The following TMEM120B variants were observed in gnomAD, a reference collection of about 807,000 sequenced individuals.
TMEM120B encodes the protein transmembrane protein 120B.
A neutral mutation model predicts 55.5 loss-of-function variants in TMEM120B; 31 were observed. The observed-to-expected ratio is 0.56, with a 90% confidence interval of 0.42 to 0.75. TMEM120B has a LOEUF of 0.75. TMEM120B is among the 30% of genes least tolerant of loss of function. The pLI, the probability that TMEM120B is intolerant of heterozygous loss-of-function variation, is 0.00. For synonymous variants in TMEM120B, 203 were observed against 176.3 expected (o/e 1.15, Z -1.20); for missense variants, 399 against 425.5 (o/e 0.94, Z 0.55).
At position 121,713,539 on chromosome 12, in the gene TMEM120B, C is replaced by T. The variant is rs550229890; in HGVS notation, c.69+575C>T. ...TGCAGGCTGATTTTGGCGTGGAGAG[C>T]ATCTGTCAGTTCGGACAGCTGAGTA... is the stretch of plus-strand genomic sequence containing the variant. On this transcript the variant is annotated intron_variant, in intron 1 of 11. Transcript: ENST00000449592. Among the ~76,000 whole-genome samples, 98 of 152,288 alleles carry T rather than the reference C, an allele frequency of 6.4e-4. 4 individuals are homozygous for T. The South Asian group carries it at 0.02, about 31-fold the overall frequency.
At position 121,748,398 on chromosome 12, in the gene TMEM120B, G is replaced by T; in HGVS notation, c.261G>T (p.Gln87His). Residue 87 changes from glutamine (Q) to histidine (H), a missense_variant, in exon 3 of 12, where the codon CAG becomes CAT. Around this residue, in one of 3 missense-constraint regions of TMEM120B, gnomAD observed 133 missense variants for 104.1 expected, o/e 1.28. Coordinates refer to ENST00000449592, the MANE Select transcript of TMEM120B (RefSeq NM_001080825.2). Reference sequence around the variant, plus strand: ...TGGCAGCGAACATCAAGGAGCGGCAGGACGTCTTCTTCGACATGGAGGCCT... The same window carrying T: ...TGGCAGCGAACATCAAGGAGCGGCATGACGTCTTCTTCGACATGGAGGCCT... ...QQMAANIKER[Q>H]DVFFDMEAYL... The T allele has an allele frequency of 6.2e-7, 1 of 1,610,914 alleles. No individual in the cohort carries two copies. The highest frequency in any genetic ancestry group is 1.1e-5 in the South Asian group (1 of 91,024).
intron 5 of TMEM120B, among the ~76,000 whole-genome samples, chr12:121,760,204 G>A (rs1873625890): frequency 6.6e-6 from 1 of 151,780 alleles, no homozygotes; most frequent in South Asian, 2.1e-4. Flanking sequence ...TCGGGAGGCT[G>A]AGGCAGGAGA....
At chr12:121,713,000 C>A in intron 1 of TMEM120B, 36 bp downstream of exon 1, 1 of 1,498,020 alleles carries the variant, frequency 6.7e-7, no homozygotes. Context: ...AACTCTGCTG[C>A]CCGCGGTGCA....
chr12:121,745,851 T>C (rs958299175), intron 2 of TMEM120B, among the ~76,000 whole-genome samples: 3 of 151,854 alleles, frequency 2.0e-5, no homozygotes, highest in Non-Finnish European at 4.4e-5. Flanking sequence ...GCTTGGTTGT[T>C]GTTTTTTGTT....
In TMEM120B at chr12:121,772,109, T is replaced by TTCTCTC. The variant is rs199806160; in HGVS notation, c.679+570_679+575dup. The stretch of plus-strand genomic sequence containing the variant: ...TTTCTCTCTCTCTCTCTTTCTCTCT[T>TTCTCTC]TCTCTCTCTCTCTCTTTCTCTCTTT... On this transcript the variant is annotated intron_variant, in intron 8 of 11. Transcript: ENST00000449592. 5.9e-4 allele frequency among the ~76,000 whole-genome samples: 87 copies of TTCTCTC among 147,398 alleles called. 1 individual carries two copies. The highest frequency in any genetic ancestry group is 2.4e-3 in the East Asian group (12 of 4,992).
intron 5 of TMEM120B, among the ~76,000 whole-genome samples, chr12:121,761,391 G>C (rs1873671236): frequency 6.6e-6 from 1 of 152,212 alleles, no homozygotes; most frequent in Non-Finnish European, 1.5e-5. Flanking sequence ...CAGGGAAGGA[G>C]GGGGAGACTC....
chr12:121,756,369 G>T (rs1256482198), intron 5 of TMEM120B, among the ~76,000 whole-genome samples: 1 of 152,196 alleles, frequency 6.6e-6, no homozygotes, highest in Non-Finnish European at 1.5e-5. Context: ...CTGATGGCAT[G>T]CATCTGTAAT....
chr12:121,719,689 C>T (rs903895609), intron 1 of TMEM120B, among the ~76,000 whole-genome samples: 2 of 152,078 alleles, frequency 1.3e-5, no homozygotes, highest in African/African-American at 4.8e-5. Context: ...GCATGTTAGG[C>T]CACACTGCAT....
intron 1 of TMEM120B, among the ~76,000 whole-genome samples, chr12:121,714,845 C>T (rs1208863188): frequency 6.6e-6 from 1 of 152,004 alleles, no homozygotes; most frequent in Non-Finnish European, 1.5e-5. Flanking sequence ...CAGTAGTGAG[C>T]CACCGTGCCT....
rs375094675 is a variant in TMEM120B at position 121,773,482 on chromosome 12, G to C, written c.741G>C (p.Leu247=). Residue 247 remains leucine (L), a synonymous_variant, in exon 9 of 12, where the codon CTG becomes CTC. Coordinates refer to ENST00000449592, the MANE Select transcript of TMEM120B (RefSeq NM_001080825.2). ...QRGCLYRLRA[L]GERNHLDLTV... The stretch of plus-strand genomic sequence containing the variant: ...GCTGCCTCTACCGGCTGCGGGCCCT[G>C]GGGGAGAGGAACCACCTGGATCTCA... 4.7e-5 allele frequency: 76 copies of C among 1,606,004 alleles called. No homozygotes were observed. The highest frequency in any genetic ancestry group is 6.1e-5 in the Non-Finnish European group (72 of 1,175,874).
At position 121,775,824 on chromosome 12, in the gene TMEM120B, C is replaced by T. The variant is rs764898883; in HGVS notation, c.*102C>T. ...GGCCCGTGGCATCGCTGGGAGAGGG[C>T]CCAGGCCCTGGTCCCCCAGTGGACC... On this transcript the variant is annotated 3_prime_UTR_variant, in exon 12 of 12. Transcript: ENST00000449592. This position sits in a 1 kb window ranked among gnomAD's most constrained non-coding sequence, Gnocchi z 4.3. 2.3e-6 allele frequency: 3 copies of T among 1,291,654 alleles called. No individual in the cohort carries two copies. Among genetic ancestry groups the T allele is most frequent in the South Asian group, 1.2e-5 (1 of 81,700 alleles). The allele number at this position is 1,291,654 out of a possible 1,614,324, so 80.0% of individuals were successfully genotyped here.
At chr12:121,772,433 T>C (rs986896115) in intron 8 of TMEM120B, among the ~76,000 whole-genome samples, 3 of 143,172 alleles carry the variant, frequency 2.1e-5, no homozygotes, top group Non-Finnish European at 3.0e-5. Flanking sequence ...CCGTACCGTT[T>C]CTTTCTTTTT....
intron 5 of TMEM120B, among the ~76,000 whole-genome samples, chr12:121,759,579 G>C (rs1873601975): frequency 6.6e-6 from 1 of 151,972 alleles, no homozygotes; most frequent in African/African-American, 2.4e-5. Context: ...TCTGGAGGCT[G>C]AGGCAAGAAA....
chr12:121,747,235 C>T (rs1019636593), intron 2 of TMEM120B, among the ~76,000 whole-genome samples: 2 of 147,830 alleles, frequency 1.4e-5, no homozygotes, highest in Admixed American at 6.8e-5. Context: ...TGGGGAACTG[C>T]GGTTGCGAGA....
intron 1 of TMEM120B, among the ~76,000 whole-genome samples, chr12:121,733,139 C>T (rs1228299072): frequency 6.6e-6 from 1 of 152,144 alleles, no homozygotes; most frequent in Non-Finnish European, 1.5e-5. Flanking sequence ...TAGTCAGACA[C>T]AGGAAGCAAC....
At chr12:121,767,799 G>A (rs538126439) in intron 6 of TMEM120B, among the ~76,000 whole-genome samples, 2 of 152,338 alleles carry the variant, frequency 1.3e-5, no homozygotes, top group South Asian at 4.1e-4. Context: ...GTTTATTGGT[G>A]GCATCTGTCA....
chr12:121,765,655 C>T (rs1419858745), intron 6 of TMEM120B, among the ~76,000 whole-genome samples: 1 of 152,110 alleles, frequency 6.6e-6, no homozygotes, highest in Non-Finnish European at 1.5e-5. Flanking sequence ...TTGCACCAAC[C>T]TAATAGAAGG....
Position 121,775,356 on chromosome 12 carries a change from C to T in TMEM120B, c.906+226C>T, listed in dbSNP as rs1385706381. The T allele has an allele frequency of 1.1e-6, 1 of 922,730 alleles. No homozygotes were observed. Among genetic ancestry groups the T allele is most frequent in the Admixed American group, 6.2e-5 (1 of 16,156 alleles). 57.2% of individuals were successfully genotyped at this position (922,730 alleles called of 1,614,324 possible). A position where few individuals can be genotyped will look rare whatever the true frequency, so the allele number is the denominator to read the frequency against. ...GGGGGGCCTGCTTGGCGGGAGGCTT[C>T]TGGAAGGGCTAGGGGTGGAGCCTCT... On this transcript the variant is annotated intron_variant, in intron 11 of 11. Transcript: ENST00000449592. This position sits in a 1 kb window ranked among gnomAD's most constrained non-coding sequence, Gnocchi z 4.3.
chr12:121,723,099 C>T (rs1038317389), intron 1 of TMEM120B, among the ~76,000 whole-genome samples: 6 of 151,898 alleles, frequency 4.0e-5, no homozygotes, highest in African/African-American at 7.3e-5. Flanking sequence ...CCGCCTGCCT[C>T]GCCTCCCAAA....
Sources: gnomAD v4.1 joint callset for allele counts (sites outside exome capture counted in the v4.1 genomes callset) on GRCh38, gnomAD v4.1.1 for gene constraint, gnomAD v4.1.1 regional missense constraint, Gnocchi (gnomAD v3.1) non-coding constraint, MANE v1.5 for transcripts, NCBI Gene and HGNC (gene_info 2026-07-23, HGNC 2026-07-21) for gene names.